The following NAE1 variants were observed in gnomAD, a reference collection of about 807,000 sequenced individuals.
NAE1 encodes NEDD8 activating enzyme E1 subunit 1.
Under a neutral mutation model 88.0 loss-of-function variants are expected in NAE1, and 59 were observed. The ratio of observed to expected loss-of-function variants is 0.67; its 90% confidence interval spans 0.54 to 0.83. The LOEUF (loss-of-function observed/expected upper bound fraction) is 0.83, where lower values mean the gene tolerates loss of function less well. Ranked by LOEUF, NAE1 falls within the 40% of genes least tolerant of loss-of-function variation. The pLI is 0.00. For synonymous variants in NAE1, 186 were observed against 208.9 expected, an observed-to-expected ratio of 0.89 and a Z score of 0.95; for missense variants, 554 against 632.8, an observed-to-expected ratio of 0.88 and a Z score of 1.34.
Position 66,823,241 on chromosome 16 carries a change from A to T in NAE1, c.387T>A (p.Thr129=). 1 of 1,589,830 alleles carries T rather than the reference A, an allele frequency of 6.3e-7. No homozygotes were observed. Among genetic ancestry groups the T allele is most frequent in the South Asian group, 1.2e-5 (1 of 85,430 alleles). ...TAAAAATTTACCTTTCAGGAAGCTG[A>T]GTTGCAACTACAACAGTAAACCTAC... ...FFCRFTVVVA[T]QLPESTSLRL... The change falls in exon 6 of 20, where the codon ACT becomes ACA. Residue 129 remains threonine, a synonymous_variant. Transcript: ENST00000290810.
intron 13 of NAE1, 135 bp downstream of exon 13, chr16:66,813,429 C>T (rs1959901486): frequency 5.4e-6 from 6 of 1,110,148 alleles, no homozygotes; most frequent in Non-Finnish European, 7.5e-6. Context: ...GCATGAGCCA[C>T]TGCAGCTGGC....
At chr16:66,825,409 G>A (rs896354998) in intron 3 of NAE1, among the ~76,000 whole-genome samples, 3 of 150,124 alleles carry the variant, frequency 2.0e-5, no homozygotes, top group Non-Finnish European at 4.4e-5. Context: ...ATTGCACCAC[G>A]GCACTCCAGC....
intron 15 of NAE1, among the ~76,000 whole-genome samples, chr16:66,809,697 A>C (rs1265651190): frequency 6.6e-6 from 1 of 152,190 alleles, no homozygotes; most frequent in African/African-American, 2.4e-5. Context: ...AAAACATTAA[A>C]ACCGAGCCTA....
chr16:66,828,592 C>A (rs994347064), intron 1 of NAE1, among the ~76,000 whole-genome samples: 1 of 149,566 alleles, frequency 6.7e-6, no homozygotes, highest in African/African-American at 2.5e-5. Context: ...GAGGATCACT[C>A]CAGCCCAGGA....
intron 7 of NAE1, among the ~76,000 whole-genome samples, chr16:66,820,104 C>T (rs1960191585): frequency 6.6e-6 from 1 of 152,220 alleles, no homozygotes; most frequent in Admixed American, 6.5e-5. Flanking sequence ...TCACCACCAG[C>T]AGCCAGAGCT....
At chr16:66,813,395 C>A in intron 13 of NAE1, 169 bp downstream of exon 13, 1 of 744,678 alleles carries the variant, frequency 1.3e-6, no homozygotes. Flanking sequence ...CCCACCTTGG[C>A]CTCCCAAAGT....
chr16:66,813,998 T>C (rs754694192), intron 11 of NAE1, 152 bp from the exon 12 acceptor site: 27 of 773,128 alleles, frequency 3.5e-5, no homozygotes, highest in Non-Finnish European at 5.2e-5. Context: ...TTAGAATCAG[T>C]ACCATATGAA....
In NAE1 at chr16:66,810,337, T is replaced by C. The variant is rs182700560; in HGVS notation, c.1150+37A>G. 5.1e-4 allele frequency: 774 copies of C among 1,526,688 alleles called. 4 individuals are homozygous for C. In the Admixed American group the frequency reaches 0.012, roughly 24 times the overall value. 94.6% of individuals were successfully genotyped at this position (1,526,688 alleles called of 1,614,324 possible). A position where few individuals can be genotyped will look rare whatever the true frequency, so the allele number is the denominator to read the frequency against. On this transcript the variant is annotated intron_variant, in intron 15 of 19. Coordinates refer to ENST00000290810, the MANE Select transcript of NAE1 (RefSeq NM_003905.4). ...GAACATTCCCTGTGGCACATTTCTA[T>C]CAAGCAAAATAAGGAAATTAATTCA...
chr16:66,822,230 C>A (rs746641093), intron 6 of NAE1, among the ~76,000 whole-genome samples: 19 of 152,092 alleles, frequency 1.2e-4, no homozygotes, highest in African/African-American at 2.2e-4. Context: ...ACAACAACAA[C>A]AAAAAAACAA....
intron 9 of NAE1, 87 bp from the exon 10 acceptor site, chr16:66,817,115 T>C (rs1567492667): frequency 1.4e-6 from 2 of 1,446,142 alleles, no homozygotes; most frequent in South Asian, 1.4e-5. Flanking sequence ...ATTCTCTACA[T>C]AAGATTTCAT....
Position 66,814,592 on chromosome 16 carries a change from C to CA in NAE1, c.841-747dup, listed in dbSNP as rs34053542. On this transcript the variant is annotated intron_variant, in intron 11 of 19. Coordinates refer to ENST00000290810, the MANE Select transcript of NAE1 (RefSeq NM_003905.4). ...TGGGCACCAATGTGAGACCCTGTCT[C>CA]AAAAAAAAAAAAAAAAATACACACA... 3.6e-3 allele frequency among the ~76,000 whole-genome samples: 406 copies of CA among 113,222 alleles called. 5 individuals carry two copies. The highest frequency in any genetic ancestry group is 8.9e-3 in the Middle Eastern group (2 of 224). The allele number at this position is 113,222 out of a possible 152,430, so 74.3% of individuals were successfully genotyped here. A position where few individuals can be genotyped will look rare whatever the true frequency, so the allele number is the denominator to read the frequency against.
rs773260875 is a variant in NAE1, at chr16:66,826,684, T to C, written c.150A>G (p.Val50=). 1.9e-6 allele frequency: 3 copies of C among 1,613,982 alleles called. No homozygotes were observed. The East Asian group carries it at 6.7e-5, about 36-fold the overall frequency. The change falls in exon 2 of 20, where the codon GTA becomes GTG. Residue 50 remains valine (V), a synonymous_variant. Transcript: ENST00000290810. ...ATGTEILKNL[V]LPGIGSFTII... is the part of the protein sequence containing the mutation. ...ACCACAAACCTACGTTACCTGGTAG[T>C]ACCAAGTTTTTAAGAATTTCAGTTC...
intron 7 of NAE1, among the ~76,000 whole-genome samples, chr16:66,820,672 C>T (rs1390510572): frequency 6.6e-6 from 1 of 152,176 alleles, no homozygotes; most frequent in East Asian, 1.9e-4. Flanking sequence ...GAGGCCAAGG[C>T]GGGCAGATCA....
chr16:66,806,112 C>T, intron 17 of NAE1, 86 bp from the exon 18 acceptor site: 1 of 1,400,506 alleles, frequency 7.1e-7, no homozygotes, highest in South Asian at 1.5e-5. Context: ...TTCAGATGTT[C>T]TAGTCAAAAT....
Position 66,823,289 on chromosome 16 carries a change from T to C in NAE1, c.339A>G (p.Leu113=), listed in dbSNP as rs757912360. ...TACAGAAAAATGAGGGATCATTGTCTAGAAGGTTTTCTGGACTCTAAACAG... is the reference window on the plus strand; with the variant it reads ...TACAGAAAAATGAGGGATCATTGTCCAGAAGGTTTTCTGGACTCTAAACAG... The part of the protein sequence containing the change: ...SFVEESPENL[L]DNDPSFFCRF... The change falls in exon 6 of 20, where the codon CTA becomes CTG. Residue 113 remains leucine (L), a synonymous_variant. Coordinates refer to ENST00000290810, the MANE Select transcript of NAE1 (RefSeq NM_003905.4). The C allele has an allele frequency of 1.9e-6, 3 of 1,602,550 alleles. No homozygotes were observed. Among genetic ancestry groups the C allele is most frequent in the Admixed American group, 3.5e-5 (2 of 57,706 alleles).
intron 13 of NAE1, chr16:66,813,293 C>G: frequency 2.8e-6 from 1 of 354,774 alleles, no homozygotes; most frequent in Non-Finnish European, 5.1e-6. Flanking sequence ...AAGGCGAACA[C>G]TACCATGCCC....
chr16:66,803,150 G>C (rs1959421758), intron 19 of NAE1, 32 bp from the exon 20 acceptor site: 3 of 1,407,644 alleles, frequency 2.1e-6, no homozygotes, highest in Admixed American at 1.7e-5. Flanking sequence ...GCAAATCTTT[G>C]AAAGAGTAAA....
intron 7 of NAE1, among the ~76,000 whole-genome samples, chr16:66,819,466 G>A (rs1960167864): frequency 6.6e-6 from 1 of 152,184 alleles, no homozygotes; most frequent in Non-Finnish European, 1.5e-5. Context: ...TGCTAACTAT[G>A]TGACCTTAGG....
chr16:66,803,230 A>C (rs1008000027), intron 19 of NAE1, 112 bp from the exon 20 acceptor site: 4 of 673,418 alleles, frequency 5.9e-6, no homozygotes, highest in Non-Finnish European at 1.0e-5. Flanking sequence ...TTTTAAAGTG[A>C]CCCAAAACAG....
Sources: allele counts gnomAD v4.1 joint callset (sites outside exome capture counted in the v4.1 genomes callset), GRCh38; gene constraint gnomAD v4.1.1; transcripts MANE v1.5; gene names NCBI Gene and HGNC (gene_info 2026-07-23, HGNC 2026-07-21).